Variants in MAST4 observed in about 807,000 individuals in gnomAD.
MAST4 encodes the protein microtubule associated serine/threonine kinase family member 4.
In MAST4, 89 loss-of-function variants were observed where a neutral mutation model predicts 162.7. That is an observed-to-expected ratio of 0.55 (90% CI 0.46 to 0.65). The LOEUF (loss-of-function observed/expected upper bound fraction) is 0.65, where lower values mean the gene tolerates loss of function less well. Among genes scored for constraint, MAST4 ranks in the 30% least tolerant of loss-of-function variants. The pLI, the probability that MAST4 is intolerant of heterozygous loss-of-function variation, is 0.00. For synonymous variants in MAST4, 1,479 were observed against 1,361.1 expected (o/e 1.09, Z -1.91); for missense variants, 3,153 against 3,374.0 (o/e 0.93, Z 1.62).
chr5:66,711,370 G>A (rs1750485718), intron 1 of MAST4, among the ~76,000 whole-genome samples: 1 of 152,156 alleles, frequency 6.6e-6, no homozygotes, highest in South Asian at 2.1e-4. Context: ...CTTTTGCAGG[G>A]TCTGGGAGAA....
At chr5:67,002,144 T>A (rs1470155547) in intron 4 of MAST4, 1 of 152,156 alleles carries the variant, frequency 6.6e-6, no homozygotes, top group Non-Finnish European at 1.5e-5. Flanking sequence ...ATTGTGACAT[T>A]TCTTAGAGCC....
intron 3 of MAST4, among the ~76,000 whole-genome samples, chr5:66,803,693 A>T (rs1461334157): frequency 4.6e-5 from 7 of 152,210 alleles, no homozygotes; most frequent in African/African-American, 1.7e-4. Context: ...TAAGATTACT[A>T]ATTTATAATG....
intron 2 of MAST4, among the ~76,000 whole-genome samples, chr5:66,773,162 A>T (rs1488291713): frequency 1.3e-5 from 2 of 152,216 alleles, no homozygotes; most frequent in Non-Finnish European, 2.9e-5. Flanking sequence ...AGTCAGTTCC[A>T]CAGGAAAAAG....
chr5:66,916,854 C>T, intron 4 of MAST4: 3 of 594,444 alleles, frequency 5.0e-6, no homozygotes, highest in Non-Finnish European at 6.2e-6. Flanking sequence ...TTTATTTAAC[C>T]ATTTTCCTAT....
intron 4 of MAST4, among the ~76,000 whole-genome samples, chr5:67,012,936 T>C (rs1009608632): frequency 1.3e-5 from 2 of 152,196 alleles, no homozygotes; most frequent in African/African-American, 4.8e-5. Flanking sequence ...AAAAAGACCA[T>C]AGCAGAGAAT....
At chr5:67,085,895 T>C (rs1581503814) in intron 5 of MAST4, among the ~76,000 whole-genome samples, 2 of 152,302 alleles carry the variant, frequency 1.3e-5, no homozygotes, top group African/African-American at 4.8e-5. Context: ...GGAACTGTTA[T>C]TTTAGAGTTC....
At chr5:67,154,791 T>C (rs1772286439) in intron 26 of MAST4, among the ~76,000 whole-genome samples, 1 of 152,212 alleles carries the variant, frequency 6.6e-6, no homozygotes, top group African/African-American at 2.4e-5. Flanking sequence ...GTAAGCAATG[T>C]CATGAAACCA....
intron 1 of MAST4, among the ~76,000 whole-genome samples, chr5:66,616,691 C>T (rs1486930832): frequency 6.6e-6 from 1 of 152,198 alleles, no homozygotes; most frequent in Non-Finnish European, 1.5e-5. Context: ...TGGCCGGGGC[C>T]TCTGTGTGAA....
chr5:66,598,552 C>T (rs959720494), intron 1 of MAST4, among the ~76,000 whole-genome samples: 1 of 152,188 alleles, frequency 6.6e-6, no homozygotes, highest in Non-Finnish European at 1.5e-5. Context: ...CTGTACTGCC[C>T]CAGCCTTCCT....
At position 67,118,661 on chromosome 5, in the gene MAST4, CT is replaced by C. The variant is rs538432602; in HGVS notation, c.1592-10del. On this transcript the variant is annotated intron_variant, in intron 12 of 28. Coordinates refer to ENST00000403625, the MANE Select transcript of MAST4 (RefSeq NM_001164664.2). ...ATTGCAATATTTTTATTAAGCTTAA[CT>C]TTTTTTTTTTCCAACTTAGAAATGG... 27,780 of 1,103,056 alleles carry C rather than the reference CT, an allele frequency of 0.025. 98 individuals carry two copies. The highest frequency in any genetic ancestry group is 0.036 in the African/African-American group (2,261 of 62,222). The allele number at this position is 1,103,056 out of a possible 1,614,324, so 68.3% of individuals were successfully genotyped here.
chr5:66,935,674 CTT>C (rs113432423), intron 4 of MAST4, among the ~76,000 whole-genome samples: 9 of 132,574 alleles, frequency 6.8e-5, no homozygotes, highest in South Asian at 2.5e-4. Context: ...TTCTTTCTTT[CTT>C]TTTTTTTTTT....
chr5:66,695,354 ATTC>A (rs1561268083), intron 1 of MAST4, among the ~76,000 whole-genome samples: 1 of 152,104 alleles, frequency 6.6e-6, no homozygotes, highest in Non-Finnish European at 1.5e-5. Flanking sequence ...TGAGACCTCT[ATTC>A]TGTTCCATTG....
chr5:66,686,739 G>A (rs959332589), intron 1 of MAST4, among the ~76,000 whole-genome samples: 1 of 152,222 alleles, frequency 6.6e-6, no homozygotes, highest in African/African-American at 2.4e-5. Context: ...GTATGTTTCA[G>A]TCTCTCCCGG....
chr5:66,824,403 A>G (rs866644399), intron 3 of MAST4, among the ~76,000 whole-genome samples: 8 of 152,208 alleles, frequency 5.3e-5, no homozygotes, highest in Middle Eastern at 3.4e-3. Flanking sequence ...CCAGAGGACA[A>G]TCCTCTCCAC....
At chr5:66,878,442 C>T (rs1289326001) in intron 3 of MAST4, among the ~76,000 whole-genome samples, 1 of 152,220 alleles carries the variant, frequency 6.6e-6, no homozygotes, top group African/African-American at 2.4e-5. Flanking sequence ...CAATTCAGCA[C>T]CTTTGGGCAG....
intron 4 of MAST4, among the ~76,000 whole-genome samples, chr5:66,937,468 A>C (rs1742876446): frequency 6.6e-6 from 1 of 152,012 alleles, no homozygotes; most frequent in Non-Finnish European, 1.5e-5. Context: ...GTAGGATAAC[A>C]TTTTCTTCCC....
At chr5:66,865,533 T>G (rs1760448238) in intron 3 of MAST4, among the ~76,000 whole-genome samples, 1 of 152,230 alleles carries the variant, frequency 6.6e-6, no homozygotes, top group Non-Finnish European at 1.5e-5. Context: ...TTTAAGTTTT[T>G]TTAAAAAGTC....
chr5:67,101,762 C>CAGCT (rs1429084310), intron 8 of MAST4, among the ~76,000 whole-genome samples: 2 of 151,886 alleles, frequency 1.3e-5, no homozygotes, highest in African/African-American at 4.8e-5. Context: ...ATGGAATTAA[C>CAGCT]AGCTGGTTTT....
chr5:66,695,151 C>A (rs1273911534), intron 1 of MAST4, among the ~76,000 whole-genome samples: 1 of 152,024 alleles, frequency 6.6e-6, no homozygotes, highest in Non-Finnish European at 1.5e-5. Context: ...TATAGTTTTG[C>A]ATTTTACATT....
Sources: gnomAD v4.1 joint callset for allele counts (sites outside exome capture counted in the v4.1 genomes callset) on GRCh38, gnomAD v4.1.1 for gene constraint, MANE v1.5 for transcripts, NCBI Gene and HGNC (gene_info 2026-07-23, HGNC 2026-07-21) for gene names.